Variants in PCLO observed in about 807,000 individuals in gnomAD.
PCLO encodes piccolo presynaptic cytomatrix protein.
A neutral mutation model predicts 427.5 loss-of-function variants in PCLO; 82 were observed. The observed-to-expected ratio is 0.19, with a 90% CI of 0.16 to 0.23. PCLO has a LOEUF of 0.23. Ranked by LOEUF, PCLO falls within the 10% of genes least tolerant of loss-of-function variation. PCLO has a pLI of 1.00. For missense variants in PCLO, 6,239 were observed against 6,115.9 expected (o/e 1.02, Z -0.67); for synonymous variants, 2,357 against 2,155.4 (o/e 1.09, Z -2.59).
intron 21 of PCLO, among the ~76,000 whole-genome samples, chr7:82,802,390 T>C (rs941851450): frequency 6.6e-6 from 1 of 152,174 alleles, no homozygotes; most frequent in Non-Finnish European, 1.5e-5. Flanking sequence ...CAAAATCTGC[T>C]AATCACTTTT....
At chr7:83,084,639 C>G (rs1386450196) in intron 3 of PCLO, among the ~76,000 whole-genome samples, 1 of 152,038 alleles carries the variant, frequency 6.6e-6, no homozygotes, top group Non-Finnish European at 1.5e-5. Context: ...GTTCAGTGTA[C>G]CTCATAAGTT....
intron 3 of PCLO, among the ~76,000 whole-genome samples, chr7:82,981,725 T>C (rs1796151042): frequency 1.3e-5 from 2 of 152,132 alleles, no homozygotes; most frequent in Non-Finnish European, 2.9e-5. Flanking sequence ...GGAGTTATGA[T>C]GGATATTACA....
At chr7:83,094,262 G>A (rs966819781) in intron 3 of PCLO, among the ~76,000 whole-genome samples, 8 of 143,786 alleles carry the variant, frequency 5.6e-5, no homozygotes, top group Non-Finnish European at 1.2e-4. Flanking sequence ...AGGCTGGAGT[G>A]CAATAGTGCA....
chr7:83,003,983 C>T (rs1295479209), intron 3 of PCLO, among the ~76,000 whole-genome samples: 1 of 150,948 alleles, frequency 6.6e-6, no homozygotes, highest in African/African-American at 2.4e-5. Context: ...TTGGGCTTTT[C>T]TTTGTTGGGA....
At chr7:82,957,716 C>T (rs1462183088) in intron 4 of PCLO, among the ~76,000 whole-genome samples, 1 of 152,174 alleles carries the variant, frequency 6.6e-6, no homozygotes, top group African/African-American at 2.4e-5. Flanking sequence ...CATTTATCTT[C>T]AGCATCTCAT....
intron 2 of PCLO, among the ~76,000 whole-genome samples, chr7:83,146,950 T>G (rs1792010513): frequency 6.6e-6 from 1 of 151,906 alleles, no homozygotes; most frequent in Non-Finnish European, 1.5e-5. Flanking sequence ...GCAGAACATC[T>G]GTTCCTATCA....
At chr7:83,060,645 T>C (rs997185753) in intron 3 of PCLO, among the ~76,000 whole-genome samples, 1 of 152,174 alleles carries the variant, frequency 6.6e-6, no homozygotes, top group African/African-American at 2.4e-5. Flanking sequence ...GTCAATTCCT[T>C]CGATTTTACT....
At position 83,155,574 on chromosome 7, in the gene PCLO, G is replaced by C; in HGVS notation, c.1067C>G (p.Pro356Arg). ...CTGAGCTGGAGGCTTTGTTGTCCCT[G>C]GTGGCTGGACTGGGGGTTTCACTGT... ...PGTVKPPVQP[P>R]GTTKPPAQPL... Residue 356 changes from proline to arginine, a missense_variant, in exon 2 of 25, where the codon CCA (proline) becomes CGA (arginine). Pro to Arg is a moderately radical substitution (Grantham distance 103). This residue lies in a region of PCLO where 4,677 missense variants were observed against 4,468.4 expected (regional missense o/e 1.05). Transcript: ENST00000333891. 1 of 1,409,644 alleles carries C rather than the reference G, an allele frequency of 7.1e-7. No homozygotes were observed. Among genetic ancestry groups the C allele is most frequent in the Non-Finnish European group, 9.7e-7 (1 of 1,035,676 alleles). The allele number at this position is 1,409,644 out of a possible 1,614,324, so 87.3% of individuals were successfully genotyped here.
At chr7:83,118,207 GA>G (rs1791181256) in intron 3 of PCLO, among the ~76,000 whole-genome samples, 1 of 152,104 alleles carries the variant, frequency 6.6e-6, no homozygotes. Context: ...ATGCTTAGGG[GA>G]AAATGTGGAA....
intron 6 of PCLO, among the ~76,000 whole-genome samples, chr7:82,919,899 C>T (rs1794557372): frequency 1.3e-5 from 2 of 151,884 alleles, no homozygotes; most frequent in South Asian, 4.1e-4. Flanking sequence ...GCTAGGCACA[C>T]TTATACAAAG....
At chr7:82,841,431 A>G (rs1792362388) in intron 14 of PCLO, 28 bp downstream of exon 14, 1 of 1,486,112 alleles carries the variant, frequency 6.7e-7, no homozygotes, top group African/African-American at 1.4e-5. Context: ...AAGGTTATAT[A>G]ATGGCGACTT....
intron 13 of PCLO, among the ~76,000 whole-genome samples, chr7:82,844,881 C>T (rs1792458902): frequency 6.6e-6 from 1 of 152,010 alleles, no homozygotes. Flanking sequence ...TTTTCTTTAT[C>T]ACTGTGTCCT....
chr7:83,150,110 G>C (rs1312300390), intron 2 of PCLO, among the ~76,000 whole-genome samples: 2 of 152,166 alleles, frequency 1.3e-5, no homozygotes, highest in Non-Finnish European at 2.9e-5. Context: ...TTTAATAAGA[G>C]TTGGGAAAAT....
chr7:83,155,094 G>A lies in PCLO; in HGVS notation c.1547C>T (p.Pro516Leu), dbSNP rs1325960292. ...AGGCTGTTGAGGTGAGGGCTTTGCT[G>A]GGCCAGGCTGTTGAGGTGGGGGTTT... ...STKPPPQQPG[P>L]AKPSPQQPGS... The change falls in exon 2 of 25, where the codon CCA becomes CTA. Residue 516 changes from proline to leucine, a missense_variant. Pro to Leu is a moderately conservative substitution (Grantham distance 98). Transcript: ENST00000333891. 5 of 1,591,718 alleles carry A rather than the reference G, an allele frequency of 3.1e-6. No individual in the cohort carries two copies. Among genetic ancestry groups the A allele is most frequent in the South Asian group, 2.3e-5 (2 of 88,182 alleles).
At position 83,043,631 on chromosome 7, in the gene PCLO, T is replaced by C. The variant is rs566525942; in HGVS notation, c.3301-77144A>G. Among the ~76,000 whole-genome samples, 12 of 152,294 alleles carry C rather than the reference T, an allele frequency of 7.9e-5. No homozygotes were observed. In the South Asian group the frequency reaches 2.3e-3, roughly 29 times the overall value. ...CAAGTGGCGTTAGTTTTCTCTTTCA[T>C]GCACCATTTGAATTGCCCTCAATTT... is the stretch of plus-strand genomic sequence containing the variant. On this transcript the variant is annotated intron_variant, in intron 3 of 24. Transcript: ENST00000333891.
At chr7:83,067,800 G>A (rs1331992014) in intron 3 of PCLO, among the ~76,000 whole-genome samples, 1 of 152,112 alleles carries the variant, frequency 6.6e-6, no homozygotes, top group Non-Finnish European at 1.5e-5. Flanking sequence ...TAGGAAGTTG[G>A]TGTATCACAC....
At chr7:82,821,264 G>T in intron 20 of PCLO, 3 of 986,904 alleles carry the variant, frequency 3.0e-6, no homozygotes, top group Non-Finnish European at 3.6e-6. Context: ...CTGCTTCCTG[G>T]CATGATTAGA....
At chr7:82,764,447 T>A (rs1486471309) in intron 22 of PCLO, among the ~76,000 whole-genome samples, 1 of 152,016 alleles carries the variant, frequency 6.6e-6, no homozygotes, top group East Asian at 1.9e-4. Flanking sequence ...ATTAAGCATA[T>A]CTATTATATC....
At chr7:82,996,893 C>G (rs1269011410) in intron 3 of PCLO, among the ~76,000 whole-genome samples, 1 of 151,934 alleles carries the variant, frequency 6.6e-6, no homozygotes, top group Non-Finnish European at 1.5e-5. Context: ...TGTGTTTTAT[C>G]TGGTGTTTAG....
Sources: allele counts gnomAD v4.1 joint callset (sites outside exome capture counted in the v4.1 genomes callset), GRCh38; gene constraint gnomAD v4.1.1; regional missense constraint gnomAD v4.1.1; transcripts MANE v1.5; gene names NCBI Gene and HGNC (gene_info 2026-07-23, HGNC 2026-07-21).